Variants in SEC16B observed in about 807,000 individuals in gnomAD.
SEC16B encodes SEC16 homolog B, endoplasmic reticulum export factor.
A neutral mutation model predicts 141.8 loss-of-function variants in SEC16B; 115 were observed. The observed-to-expected ratio is 0.81, with a 90% CI of 0.70 to 0.95. SEC16B has a LOEUF of 0.95. Ranked by LOEUF, SEC16B falls within the 40% of genes least tolerant of loss-of-function variation. The pLI is 0.00. For synonymous variants in SEC16B, 493 were observed against 492.5 expected (o/e 1.00, Z -0.01); for missense variants, 1,291 against 1,312.3 (o/e 0.98, Z 0.25).
At chr1:177,954,988 A>G (rs998253121) in intron 10 of SEC16B, among the ~76,000 whole-genome samples, 2 of 152,208 alleles carry the variant, frequency 1.3e-5, no homozygotes, top group Non-Finnish European at 2.9e-5. Flanking sequence ...ATTTTGAAGT[A>G]GAAAAAGCCT....
chr1:177,981,032 G>A (rs1004505139), intron 1 of SEC16B, among the ~76,000 whole-genome samples: 22 of 152,114 alleles, frequency 1.4e-4, no homozygotes, highest in African/African-American at 5.1e-4. Flanking sequence ...CTTGGCACCC[G>A]GACAAGAAGA....
chr1:177,969,419 G>A (rs1653804314), intron 1 of SEC16B, among the ~76,000 whole-genome samples: 1 of 152,120 alleles, frequency 6.6e-6, no homozygotes, highest in Admixed American at 6.5e-5. Flanking sequence ...AAAAAGCCAG[G>A]TGCAATGACA....
Position 177,937,422 on chromosome 1 carries a change from G to T in SEC16B, c.2295C>A (p.Thr765=). The change falls in exon 19 of 26, where the codon ACC becomes ACA. Residue 765 remains threonine, a synonymous_variant. Transcript: ENST00000308284. The part of the protein sequence containing the change: ...RSALWLTPEQ[T]CLLQPSPQQP... ...GCTGTGGGCTGGGCTGGAGCAGGCA[G>T]GTCTGCTCAGGTGTCAGCCACAGAG... 2 of 1,608,132 alleles carry T rather than the reference G, an allele frequency of 1.2e-6. No homozygotes were observed. The highest frequency in any genetic ancestry group is 4.5e-5 in the East Asian group (2 of 44,656).
chr1:177,929,972 C>T, intron 25 of SEC16B, 43 bp from the exon 26 acceptor site: 3 of 1,598,246 alleles, frequency 1.9e-6, no homozygotes, highest in Non-Finnish European at 2.6e-6. Context: ...CAGCCCCAAA[C>T]ATGACTCTGC....
intron 10 of SEC16B, among the ~76,000 whole-genome samples, chr1:177,956,126 A>T (rs965072718): frequency 6.6e-6 from 1 of 152,174 alleles, no homozygotes; most frequent in Non-Finnish European, 1.5e-5. Flanking sequence ...GATTGGAAAA[A>T]ATTTTTTTTT....
At position 177,932,735 on chromosome 1, in the gene SEC16B, T is replaced by A; in HGVS notation, c.2895A>T (p.Pro965=). Residue 965 remains proline, a synonymous_variant, in exon 23 of 26, where the codon CCA becomes CCT. Transcript: ENST00000308284. The stretch of plus-strand genomic sequence containing the variant: ...AGAAGGCACTAACATCCGGCAGAGG[T>A]GGGGACTCAGGGGAAGGTGTCAGTG... ...GLSLTPSPES[P]PLPDVSAFSR... is the part of the protein sequence containing the mutation. The A allele has an allele frequency of 3.7e-6, 6 of 1,608,032 alleles. No homozygotes were observed. Among genetic ancestry groups the A allele is most frequent in the African/African-American group, 1.3e-5 (1 of 74,916 alleles).
At chr1:177,942,287 C>T (rs1403218268) in intron 15 of SEC16B, among the ~76,000 whole-genome samples, 1 of 152,236 alleles carries the variant, frequency 6.6e-6, no homozygotes, top group Non-Finnish European at 1.5e-5. Flanking sequence ...AGGTCCTGGT[C>T]ACCATGCAAA....
Position 177,941,958 on chromosome 1 carries a change from G to T in SEC16B, c.1964C>A (p.Ala655Glu). The T allele has an allele frequency of 4.3e-6, 7 of 1,614,014 alleles. No individual in the cohort carries two copies. Among genetic ancestry groups the T allele is most frequent in the Non-Finnish European group, 5.9e-6 (7 of 1,179,886 alleles). Reference protein sequence around the residue: ...QALHYCEAIGAAVLSQGESSH... With the variant: ...QALHYCEAIGEAVLSQGESSH... ...GCTCTCTCCCTGGCTCAAGACAGCT[G>T]CACCAATGGCTTCGCAGTAATGCAA... Residue 655 changes from alanine (A) to glutamate (E), a missense_variant, in exon 16 of 26, where the codon GCA becomes GAA. Ala to Glu is a moderately radical substitution (Grantham distance 107, BLOSUM62 -1). Coordinates refer to ENST00000308284, the MANE Select transcript of SEC16B (RefSeq NM_033127.4).
intron 3 of SEC16B, among the ~76,000 whole-genome samples, chr1:177,965,690 T>C (rs1406691979): frequency 1.3e-5 from 2 of 152,170 alleles, no homozygotes; most frequent in Non-Finnish European, 2.9e-5. Context: ...AACAGTACCA[T>C]CATCTATGCA....
chr1:177,937,092 G>A (rs1464832380), intron 19 of SEC16B, 122 bp downstream of exon 19: 12 of 1,062,914 alleles, frequency 1.1e-5, no homozygotes, highest in Admixed American at 8.5e-5. Flanking sequence ...ACACATCCAC[G>A]CATCTGTGTC....
intron 15 of SEC16B, among the ~76,000 whole-genome samples, 159 bp from the exon 16 acceptor site, chr1:177,942,199 C>T (rs570522153): frequency 2.0e-4 from 31 of 152,340 alleles, no homozygotes; most frequent in African/African-American, 6.5e-4. Context: ...TATCTATGCA[C>T]GGGCACAACT....
chr1:177,970,898 T>C (rs887774999), upstream of SEC16B, among the ~76,000 whole-genome samples: 1 of 152,074 alleles, frequency 6.6e-6, no homozygotes, highest in Non-Finnish European at 1.5e-5. Context: ...TTGACACACA[T>C]AAATATAAAA....
At chr1:177,959,688 G>A (rs1233267404) in intron 8 of SEC16B, 1 of 154,352 alleles carries the variant, frequency 6.5e-6, no homozygotes, top group Non-Finnish European at 1.4e-5. Context: ...GGGAGAGCAG[G>A]TGTTATACCA....
intron 1 of SEC16B, among the ~76,000 whole-genome samples, chr1:177,975,541 C>T (rs1354457924): frequency 6.6e-6 from 1 of 152,084 alleles, no homozygotes; most frequent in Non-Finnish European, 1.5e-5. Context: ...TATCTGCATA[C>T]TTTATGAAAA....
intron 8 of SEC16B, chr1:177,959,793 T>G (rs972926762): frequency 6.5e-6 from 1 of 154,674 alleles, no homozygotes; most frequent in Non-Finnish European, 1.4e-5. Context: ...GAGACCCACG[T>G]GGGCTGTCAT....
intron 12 of SEC16B, among the ~76,000 whole-genome samples, chr1:177,951,068 A>G (rs575982890): frequency 3.3e-5 from 5 of 152,102 alleles, no homozygotes; most frequent in Non-Finnish European, 7.4e-5. Context: ...CAAGAGAGGA[A>G]AAAAGAGAAT....
chr1:177,938,988 A>T (rs1260124100), intron 18 of SEC16B, among the ~76,000 whole-genome samples: 1 of 152,140 alleles, frequency 6.6e-6, no homozygotes, highest in Non-Finnish European at 1.5e-5. Context: ...GGCTGTGGGG[A>T]AGCACAATCC....
Position 177,948,691 on chromosome 1 carries a change from A to C in SEC16B, c.1546-749T>G, listed in dbSNP as rs192948153. On this transcript the variant is annotated intron_variant, in intron 12 of 25. Transcript: ENST00000308284. ...GAAAATATCAATAAAGAAACAATAT[A>C]ATGTCATGGAAACAACACAGGCCCC... The C allele has an allele frequency of 1.3e-4, 156 of 1,244,006 alleles. No individual in the cohort carries two copies. In the African/African-American group the frequency reaches 2.3e-3, roughly 19 times the overall value. 77.1% of individuals were successfully genotyped at this position (1,244,006 alleles called of 1,614,324 possible). A position where few individuals can be genotyped will look rare whatever the true frequency, so the allele number is the denominator to read the frequency against.
Position 177,937,293 on chromosome 1 carries a change from C to T in SEC16B, c.2424G>A (p.Gly808=). The change falls in exon 19 of 26, where the codon GGG becomes GGA. Residue 808 remains glycine (G), a synonymous_variant. Transcript: ENST00000308284. ...FYSVPETHLP[G]TGSSVAVTEA... ...CTGTCACTGCCACGCTGCTGCCAGT[C>T]CCTGGTAGATGGGTCTCAGGAACTG... 6.2e-7 allele frequency: 1 copy of T among 1,613,916 alleles called. No individual in the cohort carries two copies. The highest frequency in any genetic ancestry group is 8.5e-7 in the Non-Finnish European group (1 of 1,179,886).
Sources: gnomAD v4.1 joint callset for allele counts (sites outside exome capture counted in the v4.1 genomes callset) on GRCh38, gnomAD v4.1.1 for gene constraint, MANE v1.5 for transcripts, NCBI Gene and HGNC (gene_info 2026-07-23, HGNC 2026-07-21) for gene names.